The following MTRF1 variants were observed in gnomAD, a reference collection of about 807,000 sequenced individuals.
MTRF1 encodes the protein mitochondrial translation release factor 1.
In MTRF1, 51 loss-of-function variants were observed where a neutral mutation model predicts 62.9. The observed-to-expected ratio is 0.81, with a 90% CI of 0.65 to 1.02. MTRF1 has a LOEUF of 1.02. Ranked by LOEUF, MTRF1 falls within the 50% of genes least tolerant of loss-of-function variation. The pLI is 0.00. For missense variants in MTRF1, 446 were observed against 530.0 expected (o/e 0.84, Z 1.56); for synonymous variants, 158 against 181.9 (o/e 0.87, Z 1.06).
chr13:41,249,140 T>A (rs1283231261), intron 5 of MTRF1, among the ~76,000 whole-genome samples: 2 of 152,196 alleles, frequency 1.3e-5, no homozygotes, highest in African/African-American at 4.8e-5. Context: ...TAAAAAAAAA[T>A]TTGTGTGCAC....
intron 6 of MTRF1, among the ~76,000 whole-genome samples, chr13:41,238,118 G>A (rs143999782): frequency 1.5e-4 from 23 of 152,142 alleles, no homozygotes; most frequent in Middle Eastern, 3.4e-3. Context: ...TAGAAGTAAC[G>A]ACACTAATGA....
At chr13:41,287,315 A>C in the MTRF1 span, among the ~76,000 whole-genome samples, 1 of 152,274 alleles carries the variant, frequency 6.6e-6, no homozygotes, top group East Asian at 1.9e-4. Context: ...AGGAGTAAGG[A>C]GGATGGAGTA....
chr13:41,247,937 C>T (rs1566134923), intron 5 of MTRF1, among the ~76,000 whole-genome samples: 1 of 152,190 alleles, frequency 6.6e-6, no homozygotes. Flanking sequence ...TAGTAGATCA[C>T]AGTGACATTT....
chr13:41,291,673 T>C, the MTRF1 span, among the ~76,000 whole-genome samples: 1 of 151,906 alleles, frequency 6.6e-6, no homozygotes, highest in East Asian at 1.9e-4. Context: ...CATTTCTTTC[T>C]CTCAAAAGAG....
At chr13:41,273,325 CAA>C in the MTRF1 span, among the ~76,000 whole-genome samples, 14,675 of 120,158 alleles carry the variant, frequency 0.12, 922 homozygotes, top group Non-Finnish European at 0.18. Flanking sequence ...GACTCCGTCT[CAA>C]AAAAAAAAAA....
the MTRF1 span, chr13:41,311,642 C>G: frequency 7.2e-6 from 11 of 1,521,606 alleles, no homozygotes; most frequent in Non-Finnish European, 9.8e-6. Flanking sequence ...GCCTTAAGGG[C>G]AAGCGGTCTG....
At chr13:41,245,344 A>G (rs1051539122) in intron 5 of MTRF1, among the ~76,000 whole-genome samples, 3 of 152,066 alleles carry the variant, frequency 2.0e-5, no homozygotes, top group African/African-American at 7.2e-5. Flanking sequence ...CCTGGGCTCA[A>G]GCCATCCCAC....
rs1202420485 is a variant in MTRF1 at position 41,217,185 on chromosome 13, C to T, written c.1268G>A (p.Arg423Lys). The T allele has an allele frequency of 1.2e-6, 2 of 1,609,166 alleles. No individual in the cohort carries two copies. Among genetic ancestry groups the T allele is most frequent in the Admixed American group, 3.3e-5 (2 of 59,824 alleles). The change falls in exon 10 of 10, where the codon AGA becomes AAA. Residue 423 changes from arginine to lysine, a missense_variant. Physicochemically the swap from Arg to Lys is conservative, Grantham distance 26. Coordinates refer to ENST00000379480, the MANE Select transcript of MTRF1 (RefSeq NM_004294.4). ...TTCTTCATCTGCTGATTGAAGCAGT[C>T]TCTGAATTAGCTGATCCAGGCCCTT... Reference protein sequence around the residue: ...GGKGLDQLIQRLLQSADEEAI... With the variant: ...GGKGLDQLIQKLLQSADEEAI...
Position 41,216,411 on chromosome 13 carries a change from C to T in MTRF1, c.*704G>A, listed in dbSNP as rs2031951113. The T allele has an allele frequency of 6.7e-6, 1 of 150,164 alleles. No individual in the cohort carries two copies. The highest frequency in any genetic ancestry group is 1.5e-5 in the Non-Finnish European group (1 of 67,686). The allele number at this position is 150,164 out of a possible 1,614,324, so 9.3% of individuals were successfully genotyped here. ...CTTATTGTTTATATAGTGTGGAATT[C>T]ATACAGCAATCAAAGGGCTTTACTG... On this transcript the variant is annotated 3_prime_UTR_variant, in exon 10 of 10. Transcript: ENST00000379480.
chr13:41,228,858 T>A (rs550058664), intron 7 of MTRF1, among the ~76,000 whole-genome samples: 5 of 152,278 alleles, frequency 3.3e-5, no homozygotes, highest in African/African-American at 1.2e-4. Flanking sequence ...AGCTATATAG[T>A]TCTCACTTTG....
At chr13:41,275,498 C>CTT in the MTRF1 span, among the ~76,000 whole-genome samples, 34 of 139,268 alleles carry the variant, frequency 2.4e-4, no homozygotes, top group East Asian at 1.1e-3. Context: ...CCGTGCCCGG[C>CTT]TTTTTTTTTT....
At chr13:41,233,794 T>G in intron 7 of MTRF1, 96 bp downstream of exon 7, 2 of 924,250 alleles carry the variant, frequency 2.2e-6, no homozygotes, top group Admixed American at 3.9e-5. Context: ...TAAAGAGCTG[T>G]GCAAGGAACC....
the MTRF1 span, among the ~76,000 whole-genome samples, chr13:41,269,200 T>TTG: frequency 3.1e-5 from 2 of 64,486 alleles, no homozygotes; most frequent in African/African-American, 1.9e-4. Context: ...TTTTTTTTGG[T>TTG]TTTTTTTTTT....
intron 9 of MTRF1, among the ~76,000 whole-genome samples, chr13:41,218,121 A>C (rs60461356): frequency 0.051 from 7,746 of 151,896 alleles, 263 homozygotes; most frequent in Non-Finnish European, 0.079. Flanking sequence ...CTGATTGACT[A>C]ATCTTTTTTT....
chr13:41,220,783 A>G, intron 9 of MTRF1: 2 of 385,364 alleles, frequency 5.2e-6, no homozygotes, highest in East Asian at 1.4e-4. Flanking sequence ...TGTGGCCTCT[A>G]ACCTCTTACA....
rs542450467 is a variant in MTRF1, at chr13:41,225,126, C to T, written c.1125+1306G>A. Among the ~76,000 whole-genome samples the T allele has an allele frequency of 6.0e-5, 9 of 150,482 alleles. No homozygotes were observed. The South Asian group carries it at 1.1e-3, about 18-fold the overall frequency. ...ACTCGGGAAGCTGAGGCACAAGAAT[C>T]GCTTGAACCCGGGAGGCAGAGGTTG... On this transcript the variant is annotated intron_variant, in intron 8 of 9. Transcript: ENST00000379480.
upstream of MTRF1, among the ~76,000 whole-genome samples, chr13:41,264,895 AGT>A (rs2040791272): frequency 1.3e-5 from 2 of 152,246 alleles, no homozygotes; most frequent in African/African-American, 4.8e-5. Flanking sequence ...TTCAATAAAT[AGT>A]GAACACCAGT....
the MTRF1 span, among the ~76,000 whole-genome samples, chr13:41,302,111 C>T: frequency 5.3e-5 from 8 of 151,614 alleles, no homozygotes; most frequent in Non-Finnish European, 1.2e-4. Context: ...ATTGCAATCT[C>T]CCTCTCCTGG....
chr13:41,281,256 C>G, the MTRF1 span, among the ~76,000 whole-genome samples: 14 of 152,222 alleles, frequency 9.2e-5, no homozygotes, highest in African/African-American at 2.9e-4. Flanking sequence ...AGGAGATTTT[C>G]CCGCTCACTG....
Sources: gnomAD v4.1 joint callset for allele counts (sites outside exome capture counted in the v4.1 genomes callset) on GRCh38, gnomAD v4.1.1 for gene constraint, MANE v1.5 for transcripts, NCBI Gene and HGNC (gene_info 2026-07-23, HGNC 2026-07-21) for gene names.